PDE1C: variants seen among roughly 807,000 people sequenced by gnomAD.
PDE1C encodes the protein dual specificity calcium/calmodulin-dependent 3',5'-cyclic nucleotide phosphodiesterase 1C.
PDE1C carries 62 observed loss-of-function variants against 93.1 expected under a neutral mutation model. The ratio of observed to expected loss-of-function variants is 0.67; its 90% confidence interval spans 0.54 to 0.82. The LOEUF (loss-of-function observed/expected upper bound fraction) is 0.82. Among genes scored for constraint, PDE1C ranks in the 40% least tolerant of loss-of-function variants. The pLI, the probability that PDE1C is intolerant of heterozygous loss-of-function variation, is 0.00. For missense variants in PDE1C, 742 were observed against 884.6 expected, an observed-to-expected ratio of 0.84 and a Z score of 2.04; for synonymous variants, 325 against 310.1, an observed-to-expected ratio of 1.05 and a Z score of -0.50.
At chr7:31,809,673 T>A (rs1787316047) in intron 15 of PDE1C, among the ~76,000 whole-genome samples, 1 of 152,058 alleles carries the variant, frequency 6.6e-6, no homozygotes, top group African/African-American at 2.4e-5. Flanking sequence ...GAGGGAATAG[T>A]AAGAGGATTC....
rs1257646322 is a variant in PDE1C at position 31,989,454 on chromosome 7, C to T, written c.128+62100G>A. On this transcript the variant is annotated intron_variant, in intron 2 of 17. Transcript: ENST00000396191. ...TCAGGTTTTATACATTACATACATA[C>T]ATGATATATTATATATCTACATACA... Among the ~76,000 whole-genome samples, 5 of 152,336 alleles carry T rather than the reference C, an allele frequency of 3.3e-5. No individual in the cohort carries two copies. The East Asian group carries it at 7.7e-4, about 24-fold the overall frequency.
rs774361171 is a variant in PDE1C at position 31,869,294 on chromosome 7, A to G, written c.609+3998T>C. The stretch of plus-strand genomic sequence containing the variant: ...CAATAGCAACCTTGAATGTACATCA[A>G]TTAAACTTCCCACTCAAAAAATAGA... On this transcript the variant is annotated intron_variant, in intron 6 of 17. Coordinates refer to ENST00000396191, the MANE Select transcript of PDE1C (RefSeq NM_001191057.4). 3.0e-4 allele frequency among the ~76,000 whole-genome samples: 45 copies of G among 152,114 alleles called. 1 individual carries two copies. The highest frequency in any genetic ancestry group is 1.9e-3 in the Admixed American group (29 of 15,274).
At chr7:31,828,965 C>T (rs1208015219) in intron 11 of PDE1C, among the ~76,000 whole-genome samples, 1 of 152,144 alleles carries the variant, frequency 6.6e-6, no homozygotes, top group East Asian at 1.9e-4. Context: ...ACACAATTGT[C>T]TAACCAATAT....
chr7:32,417,638 AT>A (rs150861090), intron 1 of PDE1C, among the ~76,000 whole-genome samples: 129 of 138,212 alleles, frequency 9.3e-4, no homozygotes, highest in Middle Eastern at 4.0e-3. Context: ...GAAAAGTTCT[AT>A]TTTTTTTTTG....
chr7:31,738,144 G>A, the PDE1C span, among the ~76,000 whole-genome samples: 6 of 152,156 alleles, frequency 3.9e-5, no homozygotes, highest in Admixed American at 2.6e-4. Context: ...AGGCCAGTGC[G>A]AGACCCAGGA....
the PDE1C span, among the ~76,000 whole-genome samples, chr7:31,620,609 T>C: frequency 6.6e-6 from 1 of 150,404 alleles, no homozygotes; most frequent in African/African-American, 2.4e-5. Context: ...AACCCATCTG[T>C]ACATCACCAT....
chr7:31,789,653 A>T (rs1263139583), intron 16 of PDE1C: 1 of 978,816 alleles, frequency 1.0e-6, no homozygotes, highest in African/African-American at 1.8e-5. Context: ...AAGTGGGAAA[A>T]AAAGCATAAG....
upstream of PDE1C, among the ~76,000 whole-genome samples, chr7:32,303,578 A>AT (rs549065920): frequency 6.0e-4 from 92 of 152,128 alleles, no homozygotes; most frequent in Non-Finnish European, 5.7e-4. Flanking sequence ...CCTATAGTCC[A>AT]TTTTTTTGTT....
At chr7:32,268,659 G>A (rs1810769009) in intron 1 of PDE1C, among the ~76,000 whole-genome samples, 1 of 152,064 alleles carries the variant, frequency 6.6e-6, no homozygotes, top group Non-Finnish European at 1.5e-5. Context: ...AATTCATTAG[G>A]TTGTTTTTAA....
intron 2 of PDE1C, 115 bp downstream of exon 2, chr7:32,051,439 G>T: frequency 1.0e-6 from 1 of 977,350 alleles, no homozygotes; most frequent in East Asian, 2.4e-5. Flanking sequence ...CACGCAACAT[G>T]CTGAGAAAGA....
intron 1 of PDE1C, among the ~76,000 whole-genome samples, chr7:32,346,775 T>C (rs1783861266): frequency 6.6e-6 from 1 of 152,174 alleles, no homozygotes; most frequent in Admixed American, 6.5e-5. Context: ...TAATGATACA[T>C]GCAATAACAT....
chr7:32,421,868 A>G (rs1438985254), intron 1 of PDE1C, among the ~76,000 whole-genome samples: 1 of 152,198 alleles, frequency 6.6e-6, no homozygotes, highest in Non-Finnish European at 1.5e-5. Context: ...TCTTCCCCAC[A>G]TCTTACACCC....
At chr7:32,004,549 T>C (rs541207292) in intron 2 of PDE1C, among the ~76,000 whole-genome samples, 2 of 152,246 alleles carry the variant, frequency 1.3e-5, no homozygotes, top group East Asian at 1.9e-4. Context: ...CTAGAGACTT[T>C]TTTTCCTGCT....
intron 3 of PDE1C, among the ~76,000 whole-genome samples, chr7:32,084,180 A>G (rs1400672755): frequency 6.6e-5 from 10 of 151,990 alleles, no homozygotes. Flanking sequence ...ATGGAAAACA[A>G]AAAAAGGCAG....
chr7:31,737,057 T>C, the PDE1C span, among the ~76,000 whole-genome samples: 1 of 152,162 alleles, frequency 6.6e-6, no homozygotes, highest in Non-Finnish European at 1.5e-5. Context: ...CTCAGGTGAT[T>C]CTCCTGCCTC....
chr7:31,698,254 A>T, the PDE1C span, among the ~76,000 whole-genome samples: 1 of 152,232 alleles, frequency 6.6e-6, no homozygotes. Context: ...CGACAGAAAC[A>T]GTCAGGGGCT....
At chr7:32,332,644 C>T (rs1004556753) in intron 1 of PDE1C, among the ~76,000 whole-genome samples, 1 of 151,974 alleles carries the variant, frequency 6.6e-6, no homozygotes, top group Non-Finnish European at 1.5e-5. Flanking sequence ...AATGTCTATC[C>T]ACAAGAGAAT....
At chr7:32,187,786 C>A (rs1803980042) in intron 2 of PDE1C, among the ~76,000 whole-genome samples, 2 of 150,622 alleles carry the variant, frequency 1.3e-5, no homozygotes. Flanking sequence ...GTCATTTTAA[C>A]ATATAATCAA....
chr7:32,071,920 G>T (rs1041898081), upstream of PDE1C, among the ~76,000 whole-genome samples: 2 of 152,092 alleles, frequency 1.3e-5, no homozygotes, highest in Non-Finnish European at 1.5e-5. Flanking sequence ...ATTCAGGGTG[G>T]GGCATGCCCT....
Sources: allele counts gnomAD v4.1 joint callset (sites outside exome capture counted in the v4.1 genomes callset), GRCh38; gene constraint gnomAD v4.1.1; transcripts MANE v1.5; gene names NCBI Gene and HGNC (gene_info 2026-07-23, HGNC 2026-07-21).